AKAP19: variants seen among roughly 807,000 people sequenced by gnomAD.
AKAP19 encodes small A-kinase anchoring protein.
At chr2:190,044,765 A>G in the AKAP19 span, among the ~76,000 whole-genome samples, 14 of 152,170 alleles carry the variant, frequency 9.2e-5, no homozygotes, top group Non-Finnish European at 2.1e-4. Context: ...ATTTTCCAGT[A>G]CCTGGAGATA....
chr2:189,984,270 C>A, the AKAP19 span, among the ~76,000 whole-genome samples: 2 of 152,118 alleles, frequency 1.3e-5, no homozygotes, highest in African/African-American at 4.8e-5. Context: ...GACCATAAGA[C>A]ACAGGTACAC....
At chr2:190,073,480 G>A in the AKAP19 span, among the ~76,000 whole-genome samples, 1 of 152,048 alleles carries the variant, frequency 6.6e-6, no homozygotes, top group Non-Finnish European at 1.5e-5. Flanking sequence ...TCCTTTTGAA[G>A]TTGTGTTATT....
chr2:190,051,941 C>G, the AKAP19 span, among the ~76,000 whole-genome samples: 1 of 151,752 alleles, frequency 6.6e-6, no homozygotes, highest in African/African-American at 2.4e-5. Flanking sequence ...GGGTTCACGC[C>G]ATTCTCCTGC....
At chr2:190,005,932 A>C in the AKAP19 span, among the ~76,000 whole-genome samples, 3 of 152,232 alleles carry the variant, frequency 2.0e-5, no homozygotes, top group African/African-American at 7.2e-5. Flanking sequence ...GAAGAGAGGC[A>C]GACACCATTT....
At chr2:189,910,952 A>G in the AKAP19 span, among the ~76,000 whole-genome samples, 3 of 152,052 alleles carry the variant, frequency 2.0e-5, no homozygotes, top group Non-Finnish European at 2.9e-5. Flanking sequence ...CATGGATTTA[A>G]GTTAAGCTTT....
At chr2:190,040,521 A>C in the AKAP19 span, among the ~76,000 whole-genome samples, 1 of 152,152 alleles carries the variant, frequency 6.6e-6, no homozygotes, top group Non-Finnish European at 1.5e-5. Context: ...TTTAAGTTTA[A>C]TTAGATCCCA....
chr2:190,184,034 T>C, the AKAP19 span, among the ~76,000 whole-genome samples: 1 of 152,092 alleles, frequency 6.6e-6, no homozygotes, highest in Non-Finnish European at 1.5e-5. Flanking sequence ...AAGTCGGTGG[T>C]TGAGAAGTAG....
chr2:189,901,671 A>C, the AKAP19 span, among the ~76,000 whole-genome samples: 1 of 152,272 alleles, frequency 6.6e-6, no homozygotes, highest in South Asian at 2.1e-4. Flanking sequence ...ATTCATATGG[A>C]AATTCATTTG....
chr2:190,028,712 T>C, the AKAP19 span, among the ~76,000 whole-genome samples: 1 of 152,262 alleles, frequency 6.6e-6, no homozygotes, highest in African/African-American at 2.4e-5. Context: ...ATTATGTAAA[T>C]ATAAAGTAGT....
the AKAP19 span, among the ~76,000 whole-genome samples, chr2:190,045,467 G>A: frequency 6.6e-6 from 1 of 152,168 alleles, no homozygotes; most frequent in Non-Finnish European, 1.5e-5. Flanking sequence ...CAGCGAGGAG[G>A]AATGGGATTG....
chr2:189,886,688 G>T, the AKAP19 span, among the ~76,000 whole-genome samples: 1 of 152,184 alleles, frequency 6.6e-6, no homozygotes, highest in Non-Finnish European at 1.5e-5. Context: ...AGCAATGAGG[G>T]CTGGGAAGGT....
At chr2:190,151,370 T>A in the AKAP19 span, among the ~76,000 whole-genome samples, 2 of 152,090 alleles carry the variant, frequency 1.3e-5, no homozygotes, top group Non-Finnish European at 2.9e-5. Context: ...CCTTTCCCCA[T>A]CCCCCCATGA....
the AKAP19 span, among the ~76,000 whole-genome samples, chr2:190,119,255 C>A: frequency 6.6e-6 from 1 of 152,176 alleles, no homozygotes; most frequent in Admixed American, 6.5e-5. Context: ...GGAAGAGGCT[C>A]CCCTATACAG....
At chr2:189,981,626 A>G in the AKAP19 span, among the ~76,000 whole-genome samples, 1 of 152,140 alleles carries the variant, frequency 6.6e-6, no homozygotes, top group Admixed American at 6.5e-5. Flanking sequence ...GTGTGCTTTT[A>G]TGGTAGCACA....
chr2:190,057,007 T>G, the AKAP19 span: 2 of 471,044 alleles, frequency 4.2e-6, no homozygotes, highest in Admixed American at 3.6e-5. Context: ...TATAGGAACA[T>G]AAATGTAATT....
the AKAP19 span, among the ~76,000 whole-genome samples, chr2:190,119,947 A>T: frequency 6.6e-6 from 1 of 152,208 alleles, no homozygotes; most frequent in Non-Finnish European, 1.5e-5. Context: ...AAGACCCTGG[A>T]TATATAACCA....
the AKAP19 span, among the ~76,000 whole-genome samples, chr2:190,179,383 G>A: frequency 6.6e-6 from 1 of 151,772 alleles, no homozygotes; most frequent in African/African-American, 2.4e-5. This position sits in a 1 kb window ranked among gnomAD's most constrained non-coding sequence, Gnocchi z 6.0. Context: ...CTCCAGCCTG[G>A]GCGACAAGAG....
chr2:190,118,790 C>T, the AKAP19 span, among the ~76,000 whole-genome samples: 1 of 152,308 alleles, frequency 6.6e-6, no homozygotes, highest in Admixed American at 6.5e-5. Flanking sequence ...TGGAAGCATT[C>T]CCTTTGAAAA....
the AKAP19 span, among the ~76,000 whole-genome samples, chr2:190,041,741 T>C: frequency 6.6e-6 from 1 of 152,204 alleles, no homozygotes; most frequent in Admixed American, 6.5e-5. Context: ...CTGAATTTTA[T>C]TGAAAGCCTG....
Sources: gnomAD v4.1 joint callset for allele counts (sites outside exome capture counted in the v4.1 genomes callset) on GRCh38, gnomAD v4.1.1 for gene constraint, Gnocchi (gnomAD v3.1) non-coding constraint, MANE v1.5 for transcripts, NCBI Gene and HGNC (gene_info 2026-07-23, HGNC 2026-07-21) for gene names.